PTPRM: variants seen among roughly 807,000 people sequenced by gnomAD.
PTPRM encodes protein tyrosine phosphatase receptor type M.
Under a neutral mutation model 186.7 loss-of-function variants are expected in PTPRM, and 47 were observed. The ratio of observed to expected loss-of-function variants is 0.25; its 90% confidence interval spans 0.20 to 0.32. The LOEUF is 0.32. Among genes scored for constraint, PTPRM ranks in the 10% least tolerant of loss-of-function variants. The probability of loss-of-function intolerance (pLI) is 1.00; values close to 1 mark genes in which losing one functional copy is unlikely to be tolerated. For synonymous variants in PTPRM, 668 were observed against 674.9 expected (o/e 0.99, Z 0.16); for missense variants, 1,494 against 1,865.0 (o/e 0.80, Z 3.66).
At chr18:8,292,642 G>C (rs1211300573) in intron 19 of PTPRM, among the ~76,000 whole-genome samples, 3 of 152,166 alleles carry the variant, frequency 2.0e-5, no homozygotes, top group Admixed American at 2.0e-4. Context: ...GCCATTTATA[G>C]TGATTCATGT....
chr18:8,137,208 T>C (rs910588348), intron 13 of PTPRM, among the ~76,000 whole-genome samples: 2 of 152,210 alleles, frequency 1.3e-5, no homozygotes, highest in African/African-American at 4.8e-5. Context: ...CTTAGCCCCT[T>C]TTTTCTTCCT....
intron 2 of PTPRM, among the ~76,000 whole-genome samples, chr18:7,819,164 C>T (rs1007922789): frequency 2.6e-5 from 4 of 152,120 alleles, no homozygotes; most frequent in African/African-American, 9.7e-5. Context: ...AGAAGGTGGG[C>T]CCCTGGCTTG....
chr18:8,195,994 G>A (rs754065023), intron 14 of PTPRM, among the ~76,000 whole-genome samples: 1 of 152,170 alleles, frequency 6.6e-6, no homozygotes, highest in Non-Finnish European at 1.5e-5. Flanking sequence ...ATCGTTACTA[G>A]TTAGTTGGTA....
At chr18:7,783,262 A>T (rs1212570768) in intron 2 of PTPRM, among the ~76,000 whole-genome samples, 2 of 152,254 alleles carry the variant, frequency 1.3e-5, no homozygotes, top group East Asian at 3.9e-4. Context: ...CCGAGGATTC[A>T]CTCAGCTCTC....
At chr18:8,101,536 G>T (rs947094019) in intron 11 of PTPRM, among the ~76,000 whole-genome samples, 1 of 152,160 alleles carries the variant, frequency 6.6e-6, no homozygotes, top group Non-Finnish European at 1.5e-5. Flanking sequence ...AATAATCATG[G>T]TTACTTGGAT....
chr18:8,026,547 A>G (rs1255789772), intron 7 of PTPRM, among the ~76,000 whole-genome samples: 1 of 152,186 alleles, frequency 6.6e-6, no homozygotes. Context: ...TTCAGTTATT[A>G]TCATATTTTC....
chr18:7,647,599 C>T (rs374299070), intron 1 of PTPRM, among the ~76,000 whole-genome samples: 2 of 152,358 alleles, frequency 1.3e-5, no homozygotes, highest in African/African-American at 2.4e-5. Flanking sequence ...AACTGCTCTA[C>T]ATTTGTAAGG....
At chr18:8,161,666 G>A (rs1211702224) in intron 14 of PTPRM, among the ~76,000 whole-genome samples, 1 of 152,084 alleles carries the variant, frequency 6.6e-6, no homozygotes, top group East Asian at 1.9e-4. Context: ...CCAAGCAGGA[G>A]ACATTTAAAA....
chr18:7,789,817 C>T (rs1254421124), intron 2 of PTPRM, among the ~76,000 whole-genome samples: 5 of 152,176 alleles, frequency 3.3e-5, no homozygotes, highest in African/African-American at 1.2e-4. Flanking sequence ...TACGGTTACC[C>T]TGGCACTGAA....
intron 13 of PTPRM, among the ~76,000 whole-genome samples, chr18:8,124,464 G>T (rs2092275662): frequency 6.6e-6 from 1 of 152,170 alleles, no homozygotes; most frequent in South Asian, 2.1e-4. Flanking sequence ...AGCACCTTAT[G>T]TGTGCCAGGT....
At chr18:8,073,071 T>G (rs1270850711) in intron 8 of PTPRM, among the ~76,000 whole-genome samples, 2 of 152,202 alleles carry the variant, frequency 1.3e-5, no homozygotes, top group Non-Finnish European at 2.9e-5. Flanking sequence ...TAACATGATT[T>G]TGAATACCTC....
chr18:8,275,613 G>A (rs537518698), intron 19 of PTPRM, among the ~76,000 whole-genome samples: 6 of 152,276 alleles, frequency 3.9e-5, no homozygotes, highest in Admixed American at 2.0e-4. Context: ...TAGGGCACAC[G>A]CTGCTATAGG....
At chr18:8,269,040 A>G (rs1399611820) in intron 19 of PTPRM, among the ~76,000 whole-genome samples, 1 of 152,048 alleles carries the variant, frequency 6.6e-6, no homozygotes, top group Non-Finnish European at 1.5e-5. Flanking sequence ...TCTGTTCAAC[A>G]TAGTACTAGA....
intron 2 of PTPRM, among the ~76,000 whole-genome samples, chr18:7,800,954 C>T (rs916385584): frequency 6.6e-6 from 1 of 152,022 alleles, no homozygotes; most frequent in Admixed American, 6.6e-5. Context: ...AACGGCACAG[C>T]TGTATAGGGC....
chr18:7,583,485 A>G (rs947177188), intron 1 of PTPRM, among the ~76,000 whole-genome samples: 1 of 152,194 alleles, frequency 6.6e-6, no homozygotes, highest in African/African-American at 2.4e-5. Flanking sequence ...CGCATGTTAT[A>G]ATTTTCAAGT....
intron 14 of PTPRM, among the ~76,000 whole-genome samples, chr18:8,182,001 G>A (rs951078607): frequency 2.0e-5 from 3 of 152,056 alleles, no homozygotes; most frequent in African/African-American, 7.2e-5. Flanking sequence ...CTTACCTTAG[G>A]AGCTAGCTGC....
intron 19 of PTPRM, among the ~76,000 whole-genome samples, chr18:8,289,264 A>G (rs950370127): frequency 1.3e-5 from 2 of 151,852 alleles, no homozygotes; most frequent in Non-Finnish European, 2.9e-5. Flanking sequence ...AACAGGAAAT[A>G]TATGACATTG....
intron 14 of PTPRM, among the ~76,000 whole-genome samples, chr18:8,192,487 T>A (rs2093722339): frequency 6.6e-6 from 1 of 152,194 alleles, no homozygotes; most frequent in South Asian, 2.1e-4. Flanking sequence ...AGAGCCTGCA[T>A]GAAAGGGCTC....
At chr18:8,108,988 C>A (rs770341579) in intron 11 of PTPRM, among the ~76,000 whole-genome samples, 1 of 152,178 alleles carries the variant, frequency 6.6e-6, no homozygotes, top group Non-Finnish European at 1.5e-5. Context: ...CTAGAAATTT[C>A]TGATCAGTTT....
Sources: allele counts gnomAD v4.1 joint callset (sites outside exome capture counted in the v4.1 genomes callset), GRCh38; gene constraint gnomAD v4.1.1; transcripts MANE v1.5; gene names NCBI Gene and HGNC (gene_info 2026-07-23, HGNC 2026-07-21).